Variants in PMS1 observed in about 807,000 individuals in gnomAD.
PMS1 encodes PMS1 protein homolog 1.
In PMS1, 79 loss-of-function variants were observed where a neutral mutation model predicts 93.1. The ratio of observed to expected loss-of-function variants is 0.85; its 90% CI spans 0.71 to 1.02. PMS1 has a LOEUF of 1.02. PMS1 is among the 50% of genes least tolerant of loss of function. The pLI is 0.00. For synonymous variants in PMS1, 335 were observed against 363.4 expected, an observed-to-expected ratio of 0.92 and a Z score of 0.89; for missense variants, 1,064 against 1,085.3, an observed-to-expected ratio of 0.98 and a Z score of 0.28.
At chr2:189,793,967 G>T (rs2049116481) in intron 2 of PMS1, among the ~76,000 whole-genome samples, 2 of 152,092 alleles carry the variant, frequency 1.3e-5, no homozygotes, top group African/African-American at 4.8e-5. Context: ...TGTTGCCCAG[G>T]CTGGTCTCGA....
intron 5 of PMS1, among the ~76,000 whole-genome samples, chr2:189,843,308 G>T (rs2053971915): frequency 6.6e-6 from 1 of 152,042 alleles, no homozygotes; most frequent in South Asian, 2.1e-4. Flanking sequence ...GTGAGTCACT[G>T]CAAACAACCT....
chr2:189,865,858 T>A (rs1322354230), intron 10 of PMS1, among the ~76,000 whole-genome samples: 1 of 152,206 alleles, frequency 6.6e-6, no homozygotes, highest in Non-Finnish European at 1.5e-5. Flanking sequence ...CATCGTTAGA[T>A]AATTCTGTTT....
intron 5 of PMS1, among the ~76,000 whole-genome samples, chr2:189,839,976 T>C (rs1256931180): frequency 6.6e-6 from 1 of 152,166 alleles, no homozygotes. Context: ...ATTTAAATAG[T>C]CTACTTCATT....
intron 5 of PMS1, among the ~76,000 whole-genome samples, chr2:189,835,731 G>T (rs1408414663): frequency 6.6e-6 from 1 of 151,960 alleles, no homozygotes; most frequent in Non-Finnish European, 1.5e-5. Context: ...TTCAAGACCA[G>T]CCTAAGCAAC....
intron 4 of PMS1, among the ~76,000 whole-genome samples, chr2:189,817,711 T>C (rs1180405639): frequency 6.6e-6 from 1 of 152,220 alleles, no homozygotes; most frequent in Non-Finnish European, 1.5e-5. Context: ...TCCCAGGTAG[T>C]TTGAGCACAG....
At chr2:189,865,270 A>C (rs1366357634) in intron 10 of PMS1, among the ~76,000 whole-genome samples, 1 of 152,160 alleles carries the variant, frequency 6.6e-6, no homozygotes, top group African/African-American at 2.4e-5. Context: ...TATATATCTT[A>C]AAAATCACTC....
Position 189,852,641 on chromosome 2 carries a change from T to A in PMS1, c.700-14T>A. On this transcript the variant is annotated splice_polypyrimidine_tract_variant and intron_variant, in intron 6 of 12. Transcript: ENST00000441310. ...TACATTGTTGACATTGCATATTCTG[T>A]AATTATTATATAGATTTATCTCAGT... 1 of 1,603,550 alleles carries A rather than the reference T, an allele frequency of 6.2e-7. No individual in the cohort carries two copies. The highest frequency in any genetic ancestry group is 2.2e-5 in the East Asian group (1 of 44,738).
intron 11 of PMS1, among the ~76,000 whole-genome samples, chr2:189,873,214 C>T (rs2057297535): frequency 6.6e-6 from 1 of 152,166 alleles, no homozygotes; most frequent in African/African-American, 2.4e-5. Flanking sequence ...CATTTTCTCT[C>T]CAAAGCAAGA....
At chr2:189,833,348 G>A (rs968093912) in intron 5 of PMS1, among the ~76,000 whole-genome samples, 11 of 152,274 alleles carry the variant, frequency 7.2e-5, no homozygotes, top group Middle Eastern at 6.8e-3. Context: ...CCAGCACTTT[G>A]TGAGGCCGAG....
At chr2:189,860,671 C>G (rs1413449937) in intron 9 of PMS1, among the ~76,000 whole-genome samples, 1 of 151,900 alleles carries the variant, frequency 6.6e-6, no homozygotes, top group Non-Finnish European at 1.5e-5. Context: ...TATGTTCTGT[C>G]TTGACAAATG....
At chr2:189,866,112 A>G (rs2056636881) in intron 10 of PMS1, among the ~76,000 whole-genome samples, 1 of 152,214 alleles carries the variant, frequency 6.6e-6, no homozygotes, top group African/African-American at 2.4e-5. Flanking sequence ...GTCTTAGGCT[A>G]CATTCAAACA....
intron 5 of PMS1, among the ~76,000 whole-genome samples, chr2:189,822,806 T>A (rs1289727808): frequency 1.3e-5 from 2 of 152,238 alleles, no homozygotes; most frequent in Non-Finnish European, 2.9e-5. Context: ...TTGGATATAC[T>A]GTATCTGAAG....
At chr2:189,788,814 T>G (rs1011141753) in intron 1 of PMS1, among the ~76,000 whole-genome samples, 1 of 152,228 alleles carries the variant, frequency 6.6e-6, no homozygotes, top group African/African-American at 2.4e-5. Flanking sequence ...ACGTTTCTAG[T>G]GCTCTAGTGT....
chr2:189,854,061 C>T lies in PMS1; in HGVS notation c.945C>T (p.Ser315=), dbSNP rs2106458787. ...ATGTAAATTTAACACCAGATAAAAG[C>T]CAAGTATTATTACAAAATAAGGTAA... ...DVDVNLTPDK[S]QVLLQNKESV... is the part of the protein sequence containing the mutation. Residue 315 remains serine, a synonymous_variant, in exon 8 of 13, where the codon AGC becomes AGT. Transcript: ENST00000441310. The T allele has an allele frequency of 6.3e-7, 1 of 1,597,884 alleles. No homozygotes were observed. The highest frequency in any genetic ancestry group is 8.5e-7 in the Non-Finnish European group (1 of 1,170,550).
chr2:189,799,190 G>A lies in PMS1; in HGVS notation c.315+3239G>A, dbSNP rs565462379. 3.9e-5 allele frequency among the ~76,000 whole-genome samples: 6 copies of A among 152,278 alleles called. No homozygotes were observed. The South Asian group carries it at 1.2e-3, about 32-fold the overall frequency. ...TCAGAATTACAAAAGAATTGTCAAAGTATCACAATAGTGGAAAACTATAAA... is the reference window on the plus strand; with the variant it reads ...TCAGAATTACAAAAGAATTGTCAAAATATCACAATAGTGGAAAACTATAAA... On this transcript the variant is annotated intron_variant, in intron 3 of 12. Transcript: ENST00000441310.
At chr2:189,846,549 C>T (rs985349856) in intron 6 of PMS1, among the ~76,000 whole-genome samples, 3 of 147,750 alleles carry the variant, frequency 2.0e-5, no homozygotes, top group Non-Finnish European at 4.4e-5. Context: ...CATGGTAGTA[C>T]GTGCCTGTAG....
chr2:189,793,360 A>G (rs1166521311), intron 2 of PMS1, among the ~76,000 whole-genome samples: 1 of 152,214 alleles, frequency 6.6e-6, no homozygotes, highest in Non-Finnish European at 1.5e-5. Context: ...TTGCATTTCT[A>G]GTAAATTTCT....
At chr2:189,827,005 C>T (rs550171833) in intron 5 of PMS1, among the ~76,000 whole-genome samples, 3 of 152,180 alleles carry the variant, frequency 2.0e-5, no homozygotes, top group East Asian at 3.9e-4. Flanking sequence ...CACTTGTATT[C>T]ACATATACAA....
At chr2:189,844,643 C>CAAAAAAAA (rs752620656) in intron 6 of PMS1, among the ~76,000 whole-genome samples, 48 of 62,520 alleles carry the variant, frequency 7.7e-4, no homozygotes, top group African/African-American at 2.1e-3. Context: ...GATTCCATCT[C>CAAAAAAAA]AAAAAAAAAA....
Sources: gnomAD v4.1 joint callset for allele counts (sites outside exome capture counted in the v4.1 genomes callset) on GRCh38, gnomAD v4.1.1 for gene constraint, MANE v1.5 for transcripts, NCBI Gene and HGNC (gene_info 2026-07-23, HGNC 2026-07-21) for gene names.